CNTNAP5: variants seen among roughly 807,000 people sequenced by gnomAD.
The protein encoded by CNTNAP5 is contactin-associated protein-like 5.
A neutral mutation model predicts 150.2 loss-of-function variants in CNTNAP5; 72 were observed. The ratio of observed to expected loss-of-function variants is 0.48; its 90% CI spans 0.40 to 0.58. CNTNAP5 has a LOEUF of 0.58. Among genes scored for constraint, CNTNAP5 ranks in the 20% least tolerant of loss-of-function variants. The probability of loss-of-function intolerance (pLI) is 0.00; values close to 1 mark genes in which losing one functional copy is unlikely to be tolerated. For missense variants in CNTNAP5, 1,636 were observed against 1,626.2 expected (o/e 1.01, Z -0.10); for synonymous variants, 672 against 619.8 (o/e 1.08, Z -1.25).
chr2:124,865,545 T>C (rs1677613672), intron 20 of CNTNAP5, 109 bp downstream of exon 20: 3 of 1,030,606 alleles, frequency 2.9e-6, no homozygotes, highest in South Asian at 3.3e-5. Flanking sequence ...GGAAACATAG[T>C]TACAAATCAC....
chr2:124,534,063 T>A (rs1695175571), intron 10 of CNTNAP5, among the ~76,000 whole-genome samples: 2 of 152,130 alleles, frequency 1.3e-5, no homozygotes. Context: ...ACAAGTGAGA[T>A]ACAAGGAGAT....
chr2:124,042,769 G>C (rs1337288587), intron 1 of CNTNAP5, among the ~76,000 whole-genome samples: 1 of 149,422 alleles, frequency 6.7e-6, no homozygotes, highest in Admixed American at 6.8e-5. Context: ...TCTTGCATAA[G>C]CGTAACTCTC....
chr2:124,270,376 A>G (rs573250112), intron 3 of CNTNAP5, among the ~76,000 whole-genome samples: 5 of 152,304 alleles, frequency 3.3e-5, no homozygotes, highest in African/African-American at 1.2e-4. Flanking sequence ...TAGGGAGCTT[A>G]GCAGTGATTC....
At chr2:124,635,663 C>G (rs1197103485) in intron 12 of CNTNAP5, among the ~76,000 whole-genome samples, 1 of 152,148 alleles carries the variant, frequency 6.6e-6, no homozygotes, top group East Asian at 1.9e-4. Context: ...CCTGCTTGCT[C>G]TTGTTCACTT....
At chr2:124,077,846 T>C (rs570768990) in intron 1 of CNTNAP5, among the ~76,000 whole-genome samples, 2 of 152,294 alleles carry the variant, frequency 1.3e-5, no homozygotes, top group African/African-American at 2.4e-5. Context: ...TTGACTGTAC[T>C]CCAAAGAGAT....
intron 4 of CNTNAP5, among the ~76,000 whole-genome samples, chr2:124,420,629 T>A (rs1413359946): frequency 6.6e-6 from 1 of 152,208 alleles, no homozygotes; most frequent in Non-Finnish European, 1.5e-5. Flanking sequence ...AAGGAGATTA[T>A]CCTAAGTAAT....
At chr2:124,785,828 C>CAAATTTGAAAT (rs1410740615) in intron 17 of CNTNAP5, among the ~76,000 whole-genome samples, 1 of 152,180 alleles carries the variant, frequency 6.6e-6, no homozygotes, top group Non-Finnish European at 1.5e-5. Flanking sequence ...TGCATTAATT[C>CAAATTTGAAAT]TAGCCACAAA....
chr2:124,073,191 C>A (rs1035466607), intron 1 of CNTNAP5, among the ~76,000 whole-genome samples: 1 of 152,044 alleles, frequency 6.6e-6, no homozygotes, highest in Non-Finnish European at 1.5e-5. Context: ...TATCCCTCAC[C>A]ATACGCAAAA....
intron 3 of CNTNAP5, among the ~76,000 whole-genome samples, chr2:124,281,091 G>A (rs943232473): frequency 6.6e-6 from 1 of 152,066 alleles, no homozygotes; most frequent in African/African-American, 2.4e-5. Context: ...TTGAACTCCT[G>A]TAACACTCCA....
At chr2:124,308,090 A>G (rs1418560005) in intron 3 of CNTNAP5, among the ~76,000 whole-genome samples, 1 of 152,192 alleles carries the variant, frequency 6.6e-6, no homozygotes, top group African/African-American at 2.4e-5. Context: ...ATTATTTACT[A>G]AGCTCCTCCC....
intron 5 of CNTNAP5, among the ~76,000 whole-genome samples, chr2:124,443,462 T>C (rs1452047577): frequency 1.3e-5 from 2 of 151,884 alleles, no homozygotes; most frequent in Admixed American, 6.6e-5. Flanking sequence ...TGAGTAGAAA[T>C]AAAGAAAATC....
chr2:124,607,905 G>A (rs1252493480), intron 11 of CNTNAP5, among the ~76,000 whole-genome samples: 1 of 152,174 alleles, frequency 6.6e-6, no homozygotes, highest in Non-Finnish European at 1.5e-5. Context: ...TGTACATTAT[G>A]CTCACAATGT....
intron 13 of CNTNAP5, among the ~76,000 whole-genome samples, chr2:124,667,597 T>A (rs1469441310): frequency 6.6e-6 from 1 of 152,232 alleles, no homozygotes; most frequent in East Asian, 1.9e-4. Context: ...CCACCATGCC[T>A]GAATACACAG....
chr2:124,455,076 A>G (rs545916104), intron 6 of CNTNAP5, among the ~76,000 whole-genome samples: 1 of 152,200 alleles, frequency 6.6e-6, no homozygotes, highest in African/African-American at 2.4e-5. Flanking sequence ...TGAAACACAC[A>G]TACGAAAAAT....
At chr2:124,292,049 T>C (rs749741950) in intron 3 of CNTNAP5, among the ~76,000 whole-genome samples, 3 of 152,168 alleles carry the variant, frequency 2.0e-5, no homozygotes, top group Non-Finnish European at 4.4e-5. Context: ...CACAATCATA[T>C]GAGGACCAAC....
At chr2:124,639,603 T>C (rs994944977) in intron 12 of CNTNAP5, among the ~76,000 whole-genome samples, 3 of 150,474 alleles carry the variant, frequency 2.0e-5, no homozygotes, top group Non-Finnish European at 4.4e-5. Context: ...ACTTTAGATC[T>C]TATAAACAGA....
At chr2:124,842,862 T>A (rs966094983) in intron 19 of CNTNAP5, among the ~76,000 whole-genome samples, 1 of 152,130 alleles carries the variant, frequency 6.6e-6, no homozygotes, top group Non-Finnish European at 1.5e-5. Flanking sequence ...TACTGCCTCA[T>A]GAGAAATTCT....
intron 19 of CNTNAP5, among the ~76,000 whole-genome samples, chr2:124,862,508 G>A (rs1677546521): frequency 6.6e-6 from 1 of 152,192 alleles, no homozygotes; most frequent in African/African-American, 2.4e-5. Context: ...GATGAAGCAA[G>A]CCGAGGGGGT....
intron 8 of CNTNAP5, among the ~76,000 whole-genome samples, chr2:124,510,477 G>GTGTATA (rs1193621105): frequency 3.9e-5 from 4 of 102,592 alleles, no homozygotes; most frequent in East Asian, 2.7e-4. Context: ...TTATGTATGT[G>GTGTATA]TATATATATA....
Sources: gnomAD v4.1 joint callset for allele counts (sites outside exome capture counted in the v4.1 genomes callset) on GRCh38, gnomAD v4.1.1 for gene constraint, MANE v1.5 for transcripts, NCBI Gene and HGNC (gene_info 2026-07-23, HGNC 2026-07-21) for gene names.